Variants in NAT1 observed in about 807,000 individuals in gnomAD.
NAT1 encodes the protein arylamine N-acetyltransferase 1.
For synonymous variants in NAT1, 144 were observed against 122.6 expected, an observed-to-expected ratio of 1.17 and a Z score of -1.16; for missense variants, 400 against 339.2, an observed-to-expected ratio of 1.18 and a Z score of -1.41.
chr8:18,220,727 C>A (rs1026852421), intron 2 of NAT1, among the ~76,000 whole-genome samples: 1 of 151,944 alleles, frequency 6.6e-6, no homozygotes, highest in Non-Finnish European at 1.5e-5. Context: ...GAATGAATAC[C>A]CCACCAGCTT....
intron 1 of NAT1, among the ~76,000 whole-genome samples, chr8:18,213,497 A>G (rs950479198): frequency 1.2e-4 from 18 of 152,062 alleles, no homozygotes; most frequent in Non-Finnish European, 5.9e-5. Context: ...AAAACTAGAG[A>G]CTTCACCAAT....
chr8:18,188,475 T>G (rs898556355), intron 2 of NAT1, among the ~76,000 whole-genome samples: 1 of 152,192 alleles, frequency 6.6e-6, no homozygotes, highest in Non-Finnish European at 1.5e-5. Flanking sequence ...GTCTTAGTTA[T>G]AACTTTATTA....
Position 18,173,148 on chromosome 8 carries a change from A to T in NAT1, n.92+2409A>T, listed in dbSNP as rs1189181694. Among the ~76,000 whole-genome samples the T allele has an allele frequency of 6.8e-5, 6 of 88,122 alleles. No individual in the cohort carries two copies. The East Asian group carries it at 2.4e-3, about 35-fold the overall frequency. The allele number at this position is 88,122 out of a possible 152,430, so 57.8% of individuals were successfully genotyped here. On this transcript the variant is annotated intron_variant and non_coding_transcript_variant, in intron 2 of 4. Coordinates refer to the NAT1 transcript ENST00000517441. ...AGAGCACACGTGCACACAGAGATGCACACACACACACACACACACACACAC... is the reference window on the plus strand; with the variant it reads ...AGAGCACACGTGCACACAGAGATGCTCACACACACACACACACACACACAC...
chr8:18,189,009 A>AAAAAAAAAGAAAG (rs1329509282), intron 2 of NAT1, among the ~76,000 whole-genome samples: 1 of 149,146 alleles, frequency 6.7e-6, no homozygotes, highest in Non-Finnish European at 1.5e-5. Context: ...AAAAAAAAAA[A>AAAAAAAAAGAAAG]AAAGAAAGAA....
intron 2 of NAT1, among the ~76,000 whole-genome samples, chr8:18,190,738 T>G (rs998605210): frequency 6.6e-6 from 1 of 152,070 alleles, no homozygotes; most frequent in African/African-American, 2.4e-5. Context: ...TGTCATACTT[T>G]AAGAATAAAA....
intron 2 of NAT1, among the ~76,000 whole-genome samples, chr8:18,203,174 G>A (rs181429025): frequency 6.6e-6 from 1 of 152,260 alleles, no homozygotes; most frequent in Admixed American, 6.5e-5. Flanking sequence ...TTATACGCTT[G>A]TATGTATGTA....
intron 2 of NAT1, among the ~76,000 whole-genome samples, chr8:18,195,206 C>CT (rs748960556): frequency 3.3e-5 from 5 of 152,186 alleles, no homozygotes; most frequent in South Asian, 2.1e-4. Flanking sequence ...CAGAATCTCT[C>CT]TAAGATTTCT....
At chr8:18,180,563 C>T (rs1308102116) in intron 2 of NAT1, among the ~76,000 whole-genome samples, 3 of 151,918 alleles carry the variant, frequency 2.0e-5, no homozygotes, top group Non-Finnish European at 4.4e-5. Flanking sequence ...ATAATGCTGG[C>T]CTCATAAAAT....
At chr8:18,174,538 A>G (rs1802215513) in intron 2 of NAT1, among the ~76,000 whole-genome samples, 1 of 152,114 alleles carries the variant, frequency 6.6e-6, no homozygotes, top group Non-Finnish European at 1.5e-5. Flanking sequence ...AAAAACACAT[A>G]CAGAAAAGTA....
intron 1 of NAT1, among the ~76,000 whole-genome samples, chr8:18,214,650 A>G (rs186268396): frequency 6.6e-6 from 1 of 152,208 alleles, no homozygotes; most frequent in Non-Finnish European, 1.5e-5. Context: ...TTTAGCTTCA[A>G]TTTCTTCATC....
chr8:18,183,369 C>T (rs1802600068), intron 2 of NAT1, among the ~76,000 whole-genome samples: 1 of 152,148 alleles, frequency 6.6e-6, no homozygotes, highest in African/African-American at 2.4e-5. Context: ...TGTGGTCCCC[C>T]AAAACTCACG....
chr8:18,192,947 A>G (rs530770397), intron 2 of NAT1, among the ~76,000 whole-genome samples: 1 of 151,976 alleles, frequency 6.6e-6, no homozygotes, highest in Non-Finnish European at 1.5e-5. Flanking sequence ...ATATGTAACT[A>G]ACCTGCACAT....
chr8:18,180,984 C>T (rs4342644), intron 2 of NAT1, among the ~76,000 whole-genome samples: 81,573 of 151,902 alleles, frequency 0.54, 22,737 homozygotes, highest in African/African-American at 0.7. Context: ...TTTAGCTATT[C>T]AGGGTCTTTT....
chr8:18,185,398 T>A (rs1563165638), intron 2 of NAT1, among the ~76,000 whole-genome samples: 1 of 152,144 alleles, frequency 6.6e-6, no homozygotes, highest in Non-Finnish European at 1.5e-5. Flanking sequence ...TTTTCAGAAA[T>A]GTGTTAAGTT....
intron 2 of NAT1, among the ~76,000 whole-genome samples, chr8:18,200,716 G>A (rs1040664178): frequency 6.6e-6 from 1 of 152,126 alleles, no homozygotes; most frequent in African/African-American, 2.4e-5. Flanking sequence ...CTAAACCACT[G>A]TACGGGATTG....
Position 18,222,521 on chromosome 8 carries a change from C to G in NAT1, c.474C>G (p.Phe158Leu), listed in dbSNP as rs1291836193. ...TCCGTTTGACGGAAGAGAATGGATT[C>G]TGGTATCTAGACCAAATCAGAAGGG... ...CVFRLTEENG[F>L]WYLDQIRREQ... Residue 158 changes from phenylalanine (F) to leucine (L), a missense_variant, in exon 3 of 3, where the codon TTC becomes TTG. Physicochemically the swap from Phe to Leu is conservative, Grantham distance 22. Coordinates refer to ENST00000307719, the MANE Select transcript of NAT1 (RefSeq NM_000662.8). The G allele has an allele frequency of 1.2e-6, 2 of 1,614,126 alleles. No homozygotes were observed. Among genetic ancestry groups the G allele is most frequent in the East Asian group, 2.2e-5 (1 of 44,886 alleles).
At position 18,178,702 on chromosome 8, in the gene NAT1, C is replaced by T. The variant is rs148226739; in HGVS notation, n.92+7963C>T. Among the ~76,000 whole-genome samples the T allele has an allele frequency of 1.0e-3, 154 of 152,202 alleles. 1 individual carries two copies. Among genetic ancestry groups the T allele is most frequent in the African/African-American group, 3.6e-3 (151 of 41,530 alleles). On this transcript the variant is annotated intron_variant and non_coding_transcript_variant, in intron 2 of 4. Coordinates refer to the NAT1 transcript ENST00000517441. The stretch of plus-strand genomic sequence containing the variant: ...ATAATGTGGACAATTGAGTCATATT[C>T]CTTTGAGAGAGGAAGGAGTAGATAA...
chr8:18,192,576 A>C (rs1405840730), intron 2 of NAT1, among the ~76,000 whole-genome samples: 4 of 152,180 alleles, frequency 2.6e-5, no homozygotes, highest in Non-Finnish European at 5.9e-5. Flanking sequence ...AATAGCAAAG[A>C]CTTGGAACCA....
Position 18,219,366 on chromosome 8 carries a change from G to T in NAT1, c.-85-45G>T, listed in dbSNP as rs374218691. 25 of 1,286,822 alleles carry T rather than the reference G, an allele frequency of 1.9e-5. No individual in the cohort carries two copies. In the East Asian group the frequency reaches 4.0e-4, roughly 21 times the overall value. 79.7% of individuals were successfully genotyped at this position (1,286,822 alleles called of 1,614,324 possible). The stretch of plus-strand genomic sequence containing the variant: ...ACAAAACTATTATTTTGTTTTCAAG[G>T]AAGTCATGTTATATATTTCTGACTG... On this transcript the variant is annotated intron_variant, in intron 1 of 2. Coordinates refer to ENST00000307719, the MANE Select transcript of NAT1 (RefSeq NM_000662.8).
Sources: allele counts gnomAD v4.1 joint callset (sites outside exome capture counted in the v4.1 genomes callset), GRCh38; gene constraint gnomAD v4.1.1; transcripts MANE v1.5; gene names NCBI Gene and HGNC (gene_info 2026-07-23, HGNC 2026-07-21).